IGSF5: variants seen among roughly 807,000 people sequenced by gnomAD.
IGSF5 encodes immunoglobulin superfamily member 5, also known as immunoglobulin superfamily 5 like.
Under a neutral mutation model 39.4 loss-of-function variants are expected in IGSF5, and 41 were observed. The observed-to-expected ratio is 1.04, with a 90% confidence interval of 0.81 to 1.35. The LOEUF (loss-of-function observed/expected upper bound fraction) is 1.35. Among genes scored for constraint, IGSF5 ranks in the 40% most tolerant of loss-of-function variants. The probability of loss-of-function intolerance (pLI) is 0.00; values close to 1 mark genes in which losing one functional copy is unlikely to be tolerated. For missense variants in IGSF5, 487 were observed against 494.6 expected (o/e 0.98, Z 0.15); for synonymous variants, 183 against 175.3 (o/e 1.04, Z -0.34).
intron 7 of IGSF5, among the ~76,000 whole-genome samples, chr21:39,792,835 T>C (rs1173274002): frequency 6.6e-6 from 1 of 152,162 alleles, no homozygotes; most frequent in Non-Finnish European, 1.5e-5. Context: ...TGAAGGCCGA[T>C]GAGAGGGGAA....
the IGSF5 span, among the ~76,000 whole-genome samples, chr21:39,714,701 T>TTG: frequency 2.0e-5 from 3 of 152,124 alleles, no homozygotes; most frequent in Non-Finnish European, 4.4e-5. Context: ...GGTATCCTTC[T>TTG]TGTGTGTGTG....
the IGSF5 span, among the ~76,000 whole-genome samples, chr21:39,734,531 G>A: frequency 8.6e-5 from 13 of 150,554 alleles, no homozygotes; most frequent in Non-Finnish European, 1.6e-4. Context: ...AAAATCCTCT[G>A]CGCTTCACCT....
intron 4 of IGSF5, among the ~76,000 whole-genome samples, chr21:39,776,929 G>A (rs1005272062): frequency 2.0e-5 from 3 of 152,274 alleles, no homozygotes; most frequent in African/African-American, 4.8e-5. Flanking sequence ...GTAAGAGTCC[G>A]TTAAACTGGA....
intron 2 of IGSF5, among the ~76,000 whole-genome samples, chr21:39,765,267 C>A (rs2146279462): frequency 6.6e-6 from 1 of 152,234 alleles, no homozygotes; most frequent in South Asian, 2.1e-4. Context: ...TTCTGAGGAT[C>A]CGGTGGACAT....
At chr21:39,792,130 C>T in intron 7 of IGSF5, 31 bp downstream of exon 7, 1 of 1,475,734 alleles carries the variant, frequency 6.8e-7, no homozygotes. Context: ...GTGAAAAGAC[C>T]TGGGAAAGAG....
At chr21:39,728,289 C>T in the IGSF5 span, among the ~76,000 whole-genome samples, 1 of 152,026 alleles carries the variant, frequency 6.6e-6, no homozygotes, top group Admixed American at 6.6e-5. Context: ...GCCCTTAATC[C>T]AGTATGACTG....
intron 7 of IGSF5, 78 bp from the exon 8 acceptor site, chr21:39,793,456 C>A: frequency 8.8e-7 from 1 of 1,133,110 alleles, no homozygotes. Context: ...AAATGTGTTT[C>A]TTTATAAATC....
upstream of IGSF5, among the ~76,000 whole-genome samples, chr21:39,743,220 T>C (rs895308360): frequency 5.3e-4 from 81 of 152,118 alleles, no homozygotes; most frequent in African/African-American, 1.9e-3. Context: ...GGGGAATCAT[T>C]CTCTTTCTTC....
chr21:39,786,962 G>A (rs2086925261), intron 5 of IGSF5, among the ~76,000 whole-genome samples: 1 of 151,958 alleles, frequency 6.6e-6, no homozygotes, highest in South Asian at 2.1e-4. Context: ...CTGTTGTGGG[G>A]TAGGGGGAAG....
rs1269505404 is a variant in IGSF5, at chr21:39,765,765, C to T, written c.331C>T (p.His111Tyr). Reference sequence around the variant, plus strand: ...GAACTTCACCTCGGAGATGATCATCCACAATGTGGAGCCCAGTGATTCGGG... The same window carrying T: ...GAACTTCACCTCGGAGATGATCATCTACAATGTGGAGCCCAGTGATTCGGG... ...GGNFTSEMIIHNVEPSDSGNI... is the reference protein window; with the variant it reads ...GGNFTSEMIIYNVEPSDSGNI... Residue 111 changes from histidine to tyrosine, a missense_variant, in exon 3 of 9, where the codon CAC (histidine) becomes TAC (tyrosine). By Grantham distance (83) the His-to-Tyr change is moderately conservative. Transcript: ENST00000380588. The T allele has an allele frequency of 3.7e-6, 6 of 1,613,986 alleles. No individual in the cohort carries two copies. The highest frequency in any genetic ancestry group is 5.1e-6 in the Non-Finnish European group (6 of 1,180,026).
intron 5 of IGSF5, among the ~76,000 whole-genome samples, chr21:39,782,669 T>A (rs8128761): frequency 6.6e-6 from 1 of 152,060 alleles, no homozygotes; most frequent in Non-Finnish European, 1.5e-5. Flanking sequence ...TGTATAATGA[T>A]CAAATCAGGG....
chr21:39,746,703 C>G (rs1235468), intron 2 of IGSF5, among the ~76,000 whole-genome samples: 124,318 of 151,954 alleles, frequency 0.82, 51,024 homozygotes, highest in Admixed American at 0.86. Flanking sequence ...CACGGGACTC[C>G]TGATGCTTGC....
intron 5 of IGSF5, among the ~76,000 whole-genome samples, chr21:39,782,068 G>T (rs4818093): frequency 6.6e-6 from 1 of 152,012 alleles, no homozygotes; most frequent in African/African-American, 2.4e-5. Context: ...CAGTTGTCCC[G>T]GCAGCATTGA....
chr21:39,734,315 C>T, the IGSF5 span, among the ~76,000 whole-genome samples: 2,123 of 151,336 alleles, frequency 0.014, 27 homozygotes, highest in Non-Finnish European at 0.022. Flanking sequence ...CCCAGCTGCT[C>T]GGCAGGCTGA....
the IGSF5 span, among the ~76,000 whole-genome samples, chr21:39,730,862 T>A: frequency 3.3e-5 from 5 of 152,232 alleles, no homozygotes; most frequent in Non-Finnish European, 7.3e-5. Flanking sequence ...TTTGTCCAAC[T>A]ATTCGGGCAT....
intron 2 of IGSF5, among the ~76,000 whole-genome samples, chr21:39,759,003 C>T (rs2080047264): frequency 6.6e-6 from 1 of 152,220 alleles, no homozygotes; most frequent in African/African-American, 2.4e-5. Context: ...GTGGACAACT[C>T]CTTTCCAGTT....
At chr21:39,793,705 T>A in intron 8 of IGSF5, 92 bp downstream of exon 8, 1 of 1,005,752 alleles carries the variant, frequency 9.9e-7, no homozygotes, top group Non-Finnish European at 1.6e-6. Flanking sequence ...GTGCGCGTTG[T>A]GTATTCATGA....
intron 2 of IGSF5, among the ~76,000 whole-genome samples, chr21:39,749,467 C>A (rs1569246817): frequency 6.6e-6 from 1 of 152,230 alleles, no homozygotes; most frequent in African/African-American, 2.4e-5. Flanking sequence ...CCCGCCTTGG[C>A]CTCCCAAAGT....
At chr21:39,790,206 C>T (rs2086955537) in intron 6 of IGSF5, among the ~76,000 whole-genome samples, 1 of 152,156 alleles carries the variant, frequency 6.6e-6, no homozygotes, top group Non-Finnish European at 1.5e-5. Flanking sequence ...TTATGTCTGC[C>T]TTCTTGAGCC....
Sources: gnomAD v4.1 joint callset for allele counts (sites outside exome capture counted in the v4.1 genomes callset) on GRCh38, gnomAD v4.1.1 for gene constraint, MANE v1.5 for transcripts, NCBI Gene and HGNC (gene_info 2026-07-23, HGNC 2026-07-21) for gene names.